OR5P3: variants seen among roughly 807,000 people sequenced by gnomAD.
The protein encoded by OR5P3 is olfactory receptor 5P3.
For synonymous variants in OR5P3, 172 were observed against 141.8 expected, an observed-to-expected ratio of 1.21 and a Z score of -1.51; for missense variants, 415 against 375.6, an observed-to-expected ratio of 1.10 and a Z score of -0.87.
At chr11:7,829,933 A>G (rs1857789696) in intron 1 of OR5P3, among the ~76,000 whole-genome samples, 1 of 152,188 alleles carries the variant, frequency 6.6e-6, no homozygotes, top group South Asian at 2.1e-4. Flanking sequence ...ATTTTTATCA[A>G]TGATATCTTC....
Position 7,825,719 on chromosome 11 carries a change from A to T in OR5P3, c.254T>A (p.Phe85Tyr). The T allele has an allele frequency of 6.2e-7, 1 of 1,613,268 alleles. No individual in the cohort carries two copies. Among genetic ancestry groups the T allele is most frequent in the East Asian group, 2.2e-5 (1 of 44,888 alleles). The change falls in exon 2 of 2, where the codon TTC (phenylalanine) becomes TAC (tyrosine). Residue 85 changes from phenylalanine to tyrosine, a missense_variant. Physicochemically the swap from Phe to Tyr is conservative, Grantham distance 22. Coordinates refer to ENST00000641167, the MANE Select transcript of OR5P3 (RefSeq NM_153445.2). The part of the protein sequence containing the change: ...SSVTPVMLMS[F>Y]LRKETSLPVA... The stretch of plus-strand genomic sequence containing the variant: ...AGGGAGAGAGGTTTCTTTCCTTAGG[A>T]AGCTCATGAGCATGACAGGTGTGAC...
chr11:7,826,542 C>A (rs1370042602), intron 1 of OR5P3, among the ~76,000 whole-genome samples: 1 of 152,140 alleles, frequency 6.6e-6, no homozygotes, highest in African/African-American at 2.4e-5. Context: ...TGGTCCCCAC[C>A]CAGAGATTTC....
chr11:7,829,390 AT>A (rs5789545), intron 1 of OR5P3, among the ~76,000 whole-genome samples: 10 of 149,188 alleles, frequency 6.7e-5, no homozygotes, highest in East Asian at 3.9e-4. Flanking sequence ...CTTTTATCTT[AT>A]TTTTTTTTTT....
chr11:7,825,156 C>T lies in OR5P3; in HGVS notation c.817G>A (p.Val273Met), dbSNP rs762249583. 70 of 1,613,334 alleles carry T rather than the reference C, an allele frequency of 4.3e-5. No homozygotes were observed. Among genetic ancestry groups the T allele is most frequent in the Non-Finnish European group, 5.8e-5 (68 of 1,180,046 alleles). ...ACCACGGTGTAGAACACAGACACCA[C>T]CTTGTTCTGGTCAGTTGAGTAGCTG... Reference protein sequence around the residue: ...KSSYSTDQNKVVSVFYTVVIP... With the variant: ...KSSYSTDQNKMVSVFYTVVIP... Residue 273 changes from valine to methionine, a missense_variant, in exon 2 of 2, where the codon GTG becomes ATG. Physicochemically the swap from Val to Met is conservative, Grantham distance 21 (BLOSUM62 1). Coordinates refer to ENST00000641167, the MANE Select transcript of OR5P3 (RefSeq NM_153445.2).
intron 1 of OR5P3, among the ~76,000 whole-genome samples, chr11:7,829,782 G>GT (rs942518364): frequency 6.6e-6 from 1 of 151,964 alleles, no homozygotes; most frequent in Non-Finnish European, 1.5e-5. Flanking sequence ...AAGCAAAAGT[G>GT]TTTTTTTAAA....
rs777463642 is a variant in OR5P3 at position 7,825,867 on chromosome 11, C to A, written c.106G>T (p.Val36Phe). The A allele has an allele frequency of 6.2e-7, 1 of 1,611,030 alleles. No individual in the cohort carries two copies. Among genetic ancestry groups the A allele is most frequent in the East Asian group, 2.2e-5 (1 of 44,886 alleles). The change falls in exon 2 of 2, where the codon GTT becomes TTT. Residue 36 changes from valine (V) to phenylalanine (F), a missense_variant. Physicochemically the swap from Val to Phe is conservative, Grantham distance 50. Transcript: ENST00000641167. Reference sequence around the variant, plus strand: ...CTGATATTACCCATTAAGGTGACAACATAAATTCCTAGAAACACAAGAAAT... The same window carrying A: ...CTGATATTACCCATTAAGGTGACAAAATAAATTCCTAGAAACACAAGAAAT... ...ILFLVFLGIY[V>F]VTLMGNISII...
chr11:7,830,773 C>T (rs1325117400), intron 1 of OR5P3, 51 bp downstream of exon 1: 1 of 151,976 alleles, frequency 6.6e-6, no homozygotes, highest in African/African-American at 2.4e-5. Context: ...ACTTCTAATA[C>T]AAAAATGAGA....
chr11:7,826,118 T>C, intron 1 of OR5P3, 125 bp from the exon 2 acceptor site: 2 of 579,200 alleles, frequency 3.5e-6, no homozygotes, highest in East Asian at 2.8e-5. Context: ...GGGAAGAAAA[T>C]GCTTTCACAC....
intron 1 of OR5P3, among the ~76,000 whole-genome samples, chr11:7,826,465 G>A (rs1857743185): frequency 6.6e-6 from 1 of 152,144 alleles, no homozygotes; most frequent in African/African-American, 2.4e-5. Flanking sequence ...CCAAACAGAG[G>A]TCAAACAGAT....
At chr11:7,830,797 G>T (rs1857801185) in intron 1 of OR5P3, 27 bp downstream of exon 1, 2 of 152,218 alleles carry the variant, frequency 1.3e-5, no homozygotes, top group South Asian at 4.2e-4. Context: ...AAACATTCCT[G>T]TATCAATAGA....
chr11:7,830,180 C>G (rs2133497197), intron 1 of OR5P3, among the ~76,000 whole-genome samples: 1 of 152,280 alleles, frequency 6.6e-6, no homozygotes, highest in South Asian at 2.1e-4. Context: ...CTCTTTCTCT[C>G]TCTCACACAC....
chr11:7,828,399 T>C (rs763067932), intron 1 of OR5P3, among the ~76,000 whole-genome samples: 17 of 152,178 alleles, frequency 1.1e-4, no homozygotes, highest in Non-Finnish European at 2.2e-4. Context: ...TAGCTCCAGC[T>C]GAATAGAGAT....
chr11:7,829,651 G>A (rs538612526), intron 1 of OR5P3, among the ~76,000 whole-genome samples: 1 of 152,316 alleles, frequency 6.6e-6, no homozygotes, highest in Admixed American at 6.5e-5. Context: ...TCCATATGAA[G>A]ATAATGCGTG....
At chr11:7,829,950 G>A (rs1857789973) in intron 1 of OR5P3, among the ~76,000 whole-genome samples, 1 of 151,972 alleles carries the variant, frequency 6.6e-6, no homozygotes, top group Non-Finnish European at 1.5e-5. Context: ...CTTCTTCTAT[G>A]GAAGAAAATT....
intron 1 of OR5P3, among the ~76,000 whole-genome samples, chr11:7,830,237 T>C (rs897303238): frequency 2.0e-5 from 3 of 152,170 alleles, no homozygotes; most frequent in Non-Finnish European, 2.9e-5. Context: ...AGTCATGTGC[T>C]CATCCAGCCA....
At chr11:7,827,602 C>T (rs1356635408) in intron 1 of OR5P3, among the ~76,000 whole-genome samples, 1 of 152,096 alleles carries the variant, frequency 6.6e-6, no homozygotes, top group African/African-American at 2.4e-5. Flanking sequence ...TGGGTAAAAT[C>T]AACAAAATGG....
In OR5P3 at chr11:7,825,631, C is replaced by T. The variant is rs1429361966; in HGVS notation, c.342G>A (p.Leu114=). ...AGCGATCATAGGCCATGGCAGCCAG[C>T]AGGAAGCACTCGGCCGTACCAAACG... ...VVTFGTAECF[L]LAAMAYDRYV... Residue 114 remains leucine (L), a synonymous_variant, in exon 2 of 2, where the codon CTG becomes CTA. Coordinates refer to ENST00000641167, the MANE Select transcript of OR5P3 (RefSeq NM_153445.2). 2 of 1,612,988 alleles carry T rather than the reference C, an allele frequency of 1.2e-6. No homozygotes were observed. The highest frequency in any genetic ancestry group is 1.4e-5 in the African/African-American group (1 of 73,922).
chr11:7,828,234 T>C (rs1283502599), intron 1 of OR5P3, among the ~76,000 whole-genome samples: 4 of 152,014 alleles, frequency 2.6e-5, no homozygotes, highest in African/African-American at 7.2e-5. Flanking sequence ...GTAAGGGAAA[T>C]GGAATGTTCA....
chr11:7,829,362 G>A (rs1437479561), intron 1 of OR5P3, among the ~76,000 whole-genome samples: 1 of 150,996 alleles, frequency 6.6e-6, no homozygotes, highest in African/African-American at 2.4e-5. Flanking sequence ...GCAAGAAATG[G>A]CTCCTGAAGG....
Sources: gnomAD v4.1 joint callset for allele counts (sites outside exome capture counted in the v4.1 genomes callset) on GRCh38, gnomAD v4.1.1 for gene constraint, MANE v1.5 for transcripts, NCBI Gene and HGNC (gene_info 2026-07-23, HGNC 2026-07-21) for gene names.